MBD2: variants seen among roughly 807,000 people sequenced by gnomAD.
MBD2 encodes methyl-CpG binding domain protein 2, also known as methyl-CpG-binding domain protein 2.
In MBD2, 9 loss-of-function variants were observed where a neutral mutation model predicts 39.3. The ratio of observed to expected loss-of-function variants is 0.23; its 90% CI spans 0.14 to 0.40. The LOEUF (loss-of-function observed/expected upper bound fraction) is 0.40, where lower values mean the gene tolerates loss of function less well. Ranked by LOEUF, MBD2 falls within the 10% of genes least tolerant of loss-of-function variation. The pLI is 1.00. For missense variants in MBD2, 458 were observed against 532.6 expected (o/e 0.86, Z 1.38); for synonymous variants, 233 against 211.1 (o/e 1.10, Z -0.90).
chr18:54,157,283 C>CA (rs1216192779), intron 6 of MBD2, among the ~76,000 whole-genome samples: 1 of 149,128 alleles, frequency 6.7e-6, no homozygotes, highest in Non-Finnish European at 1.5e-5. Context: ...TTTTTTGAGA[C>CA]AGAGTCTCAC....
intron 1 of MBD2, among the ~76,000 whole-genome samples, chr18:54,207,501 G>C (rs1019437080): frequency 2.0e-5 from 3 of 152,116 alleles, no homozygotes; most frequent in African/African-American, 7.2e-5. Context: ...CACTGAACAA[G>C]GTAACTTTCT....
At chr18:54,189,305 GC>G (rs2086303925) in intron 2 of MBD2, among the ~76,000 whole-genome samples, 1 of 146,678 alleles carries the variant, frequency 6.8e-6, no homozygotes, top group Non-Finnish European at 1.5e-5. Flanking sequence ...CTCACTACAA[GC>G]TCCGCCTCCC....
At chr18:54,183,061 G>A (rs186349838) in intron 3 of MBD2, among the ~76,000 whole-genome samples, 12 of 152,364 alleles carry the variant, frequency 7.9e-5, no homozygotes, top group African/African-American at 2.4e-4. Context: ...GACGCTTGGG[G>A]TGAAAGATAG....
intron 1 of MBD2, among the ~76,000 whole-genome samples, chr18:54,217,885 G>A (rs1568095608): frequency 1.3e-5 from 2 of 152,178 alleles, no homozygotes; most frequent in Non-Finnish European, 2.9e-5. Context: ...AGGACAGACA[G>A]CAATGCTGCA....
chr18:54,199,594 C>T (rs2086390606), intron 2 of MBD2, among the ~76,000 whole-genome samples: 1 of 152,146 alleles, frequency 6.6e-6, no homozygotes, highest in Admixed American at 6.5e-5. Context: ...ACTCGATCTT[C>T]CTCACTCCAC....
rs2143902803 is a variant in MBD2, at chr18:54,153,473, C to T, written c.*1851G>A. The T allele has an allele frequency of 6.6e-6, 1 of 151,772 alleles. No individual in the cohort carries two copies. Among genetic ancestry groups the T allele is most frequent in the Middle Eastern group, 3.4e-3 (1 of 292 alleles). The allele number at this position is 151,772 out of a possible 1,614,324, so 9.4% of individuals were successfully genotyped here. On this transcript the variant is annotated 3_prime_UTR_variant, in exon 7 of 7. Transcript: ENST00000256429. ...AGTATATAAGCAAAAAAAAAAAAAT[C>T]AGTTTTATATGTGTATACATTGTGT...
rs182260595 is a variant in MBD2 at position 54,164,608 on chromosome 18, C to T, written c.1024G>A (p.Ala342Thr). Residue 342 changes from alanine (A) to threonine (T), a missense_variant, in exon 5 of 7, where the codon GCT becomes ACT. Coordinates refer to ENST00000256429, the MANE Select transcript of MBD2 (RefSeq NM_003927.5). ...SSAPITGQVSAAVEKNPAVWL... is the reference protein window; with the variant it reads ...SSAPITGQVSTAVEKNPAVWL... ...ACAGCAGGGTTCTTTTCCACAGCAG[C>T]GGAGACTTGCCCTGTGATTGGCGCA... The T allele has an allele frequency of 8.1e-6, 13 of 1,614,032 alleles. No homozygotes were observed. Among genetic ancestry groups the T allele is most frequent in the South Asian group, 1.1e-5 (1 of 91,088 alleles).
chr18:54,167,359 A>C (rs2086141805), intron 3 of MBD2, among the ~76,000 whole-genome samples: 1 of 152,230 alleles, frequency 6.6e-6, no homozygotes, highest in African/African-American at 2.4e-5. Context: ...CTCTAGATAG[A>C]CGACCTTGGA....
At chr18:54,219,880 A>C (rs2086595874) in intron 1 of MBD2, among the ~76,000 whole-genome samples, 1 of 152,202 alleles carries the variant, frequency 6.6e-6, no homozygotes, top group South Asian at 2.1e-4. Context: ...AGCTCACTGC[A>C]AGCTCCGCCT....
At chr18:54,202,960 T>C (rs1426244130) in intron 2 of MBD2, 4 of 982,882 alleles carry the variant, frequency 4.1e-6, no homozygotes, top group Non-Finnish European at 6.6e-6. Context: ...ATGGAGACAA[T>C]GAAGCTGGGT....
chr18:54,200,418 A>T (rs2086397098), intron 2 of MBD2, among the ~76,000 whole-genome samples: 1 of 152,248 alleles, frequency 6.6e-6, no homozygotes, highest in African/African-American at 2.4e-5. Context: ...TACATCTAAA[A>T]CACTAAAATA....
At chr18:54,159,524 C>A (rs971767586) in intron 6 of MBD2, among the ~76,000 whole-genome samples, 4 of 151,638 alleles carry the variant, frequency 2.6e-5, no homozygotes, top group Non-Finnish European at 5.9e-5. Flanking sequence ...CTCGAGTGAT[C>A]CTCCCACCTC....
intron 2 of MBD2, among the ~76,000 whole-genome samples, chr18:54,192,334 G>A (rs958267625): frequency 4.3e-4 from 65 of 152,146 alleles, no homozygotes; most frequent in African/African-American, 1.5e-3. Context: ...GTGGGTTCAA[G>A]CAATTCTCCT....
In MBD2 at chr18:54,220,285, T is replaced by C. The variant is rs145143303; in HGVS notation, c.542+3733A>G. 2.2e-3 allele frequency among the ~76,000 whole-genome samples: 336 copies of C among 152,220 alleles called. 3 individuals are homozygous for C. The highest frequency in any genetic ancestry group is 7.6e-3 in the African/African-American group (314 of 41,522). On this transcript the variant is annotated intron_variant, in intron 1 of 6. Transcript: ENST00000256429. The stretch of plus-strand genomic sequence containing the variant: ...CAAACTTTTTCAGAAAATATACCAA[T>C]GGATCCAATCAAACCACACCCTTTT...
At chr18:54,203,598 G>C in intron 2 of MBD2, among the ~76,000 whole-genome samples, 1 of 152,146 alleles carries the variant, frequency 6.6e-6, no homozygotes, top group East Asian at 1.9e-4. Flanking sequence ...ACCAATGCGA[G>C]GTATGATATG....
intron 5 of MBD2, 90 bp from the exon 6 acceptor site, chr18:54,159,993 A>C: frequency 7.2e-7 from 1 of 1,396,956 alleles, no homozygotes; most frequent in Non-Finnish European, 9.8e-7. Context: ...ACTTCAAAAT[A>C]ATTAAATTCC....
intron 3 of MBD2, among the ~76,000 whole-genome samples, chr18:54,177,036 T>C (rs2086216698): frequency 6.6e-6 from 1 of 152,198 alleles, no homozygotes; most frequent in African/African-American, 2.4e-5. Flanking sequence ...ACAATACTTG[T>C]CAAGTGCCTG....
At chr18:54,223,948 G>T in intron 1 of MBD2, 70 bp downstream of exon 1, 3 of 1,361,506 alleles carry the variant, frequency 2.2e-6, no homozygotes, top group Non-Finnish European at 3.0e-6. Flanking sequence ...CTCATCCTCT[G>T]CCCAGGCCCG....
chr18:54,203,158 T>C (rs762087820), intron 2 of MBD2: 2 of 1,602,790 alleles, frequency 1.2e-6, no homozygotes, highest in South Asian at 1.1e-5. Context: ...TGGTTTTTGA[T>C]GAAACATAAG....
Sources: gnomAD v4.1 joint callset for allele counts (sites outside exome capture counted in the v4.1 genomes callset) on GRCh38, gnomAD v4.1.1 for gene constraint, MANE v1.5 for transcripts, NCBI Gene and HGNC (gene_info 2026-07-23, HGNC 2026-07-21) for gene names.